The following ANGPT1 variants were observed in gnomAD, a reference collection of about 807,000 sequenced individuals.
ANGPT1 encodes angiopoietin 1.
A neutral mutation model predicts 62.2 loss-of-function variants in ANGPT1; 17 were observed. That is an observed-to-expected ratio of 0.27 (90% CI 0.19 to 0.41). The LOEUF (loss-of-function observed/expected upper bound fraction) is 0.41. Ranked by LOEUF, ANGPT1 falls within the 10% of genes least tolerant of loss-of-function variation. The pLI, the probability that ANGPT1 is intolerant of heterozygous loss-of-function variation, is 1.00. For synonymous variants in ANGPT1, 199 were observed against 198.9 expected, an observed-to-expected ratio of 1.00 and a Z score of 0.00; for missense variants, 478 against 594.9, an observed-to-expected ratio of 0.80 and a Z score of 2.04.
At chr8:107,473,010 A>G (rs374986753) in intron 1 of ANGPT1, among the ~76,000 whole-genome samples, 16 of 152,148 alleles carry the variant, frequency 1.1e-4, no homozygotes, top group African/African-American at 2.9e-4. Flanking sequence ...GAGCTCTTCA[A>G]TTCTCCAGGG....
In ANGPT1 at chr8:107,466,924, C is replaced by T. The variant is rs748701166; in HGVS notation, c.297+30338G>A. Among the ~76,000 whole-genome samples, 8 of 151,826 alleles carry T rather than the reference C, an allele frequency of 5.3e-5. 1 individual carries two copies. The highest frequency in any genetic ancestry group is 2.1e-4 in the South Asian group (1 of 4,826). ...CCATCTCAAAAAAAAAAATTATAAT[C>T]GAGAAATATACAAATTCAATCCCTT... is the stretch of plus-strand genomic sequence containing the variant. On this transcript the variant is annotated intron_variant, in intron 1 of 8. Coordinates refer to ENST00000517746, the MANE Select transcript of ANGPT1 (RefSeq NM_001146.5).
At chr8:107,470,540 C>T (rs1260243079) in intron 1 of ANGPT1, among the ~76,000 whole-genome samples, 1 of 152,026 alleles carries the variant, frequency 6.6e-6, no homozygotes, top group African/African-American at 2.4e-5. Flanking sequence ...AGCCCTTTGT[C>T]AGATGGATAG....
chr8:107,493,319 T>C (rs1813013205), intron 1 of ANGPT1, among the ~76,000 whole-genome samples: 1 of 150,418 alleles, frequency 6.6e-6, no homozygotes, highest in Admixed American at 6.7e-5. Flanking sequence ...CAATGTACTG[T>C]GATGACATTT....
Position 107,497,453 on chromosome 8 carries a change from T to C in ANGPT1, c.106A>G (p.Ile36Val). 1 of 1,614,174 alleles carries C rather than the reference T, an allele frequency of 6.2e-7. No individual in the cohort carries two copies. The highest frequency in any genetic ancestry group is 1.3e-5 in the African/African-American group (1 of 75,044). Residue 36 changes from isoleucine (I) to valine (V), a missense_variant, in exon 1 of 9, where the codon ATT (isoleucine) becomes GTT (valine). Coordinates refer to ENST00000517746, the MANE Select transcript of ANGPT1 (RefSeq NM_001146.5). Reference sequence around the variant, plus strand: ...GTGTAGGCACATTGCCCATGTTGAATCCGGTTATATCTTCTCCCACTGTTT... The same window carrying C: ...GTGTAGGCACATTGCCCATGTTGAACCCGGTTATATCTTCTCCCACTGTTT... The part of the protein sequence containing the change: ...PENSGRRYNR[I>V]QHGQCAYTFI...
At chr8:107,359,416 T>C (rs1023939994) in intron 1 of ANGPT1, among the ~76,000 whole-genome samples, 3 of 152,120 alleles carry the variant, frequency 2.0e-5, no homozygotes, top group Non-Finnish European at 4.4e-5. Flanking sequence ...ATTTGGCAAA[T>C]AGTTATTTCC....
chr8:107,256,194 A>T (rs1488590137), intron 8 of ANGPT1, among the ~76,000 whole-genome samples: 4 of 152,244 alleles, frequency 2.6e-5, no homozygotes, highest in African/African-American at 9.6e-5. Context: ...ATGAAATAAA[A>T]GAGCAATTAT....
At chr8:107,467,403 G>T (rs1182078502) in intron 1 of ANGPT1, among the ~76,000 whole-genome samples, 1 of 151,724 alleles carries the variant, frequency 6.6e-6, no homozygotes, top group Non-Finnish European at 1.5e-5. Context: ...CCACCAAAAC[G>T]TACAATTTAA....
At chr8:107,457,580 C>A (rs1333276174) in intron 1 of ANGPT1, among the ~76,000 whole-genome samples, 1 of 151,936 alleles carries the variant, frequency 6.6e-6, no homozygotes, top group Non-Finnish European at 1.5e-5. Context: ...CTTTGCCAAT[C>A]CCAACTTTTC....
Position 107,303,381 on chromosome 8 carries a change from A to T in ANGPT1, c.809-14T>A. 1 of 1,585,430 alleles carries T rather than the reference A, an allele frequency of 6.3e-7. No individual in the cohort carries two copies. The highest frequency in any genetic ancestry group is 2.2e-5 in the East Asian group (1 of 44,606). ...CCTTTAGTAAAACTGCAAAAAAAAA[A>T]AAAAAGATTGCAATATGTGAATATC... On this transcript the variant is annotated splice_polypyrimidine_tract_variant and intron_variant, in intron 4 of 8. Coordinates refer to ENST00000517746, the MANE Select transcript of ANGPT1 (RefSeq NM_001146.5).
At chr8:107,404,492 T>C (rs1479421304) in intron 1 of ANGPT1, among the ~76,000 whole-genome samples, 3 of 152,142 alleles carry the variant, frequency 2.0e-5, no homozygotes, top group African/African-American at 7.2e-5. Flanking sequence ...TTGTGCCATG[T>C]CCTTTTTTAA....
At chr8:107,421,458 T>A (rs181907936) in intron 1 of ANGPT1, among the ~76,000 whole-genome samples, 2 of 152,268 alleles carry the variant, frequency 1.3e-5, no homozygotes, top group East Asian at 3.9e-4. Context: ...GACAGTAAAG[T>A]CTCACTTTTT....
chr8:107,406,795 G>A (rs1817157341), intron 1 of ANGPT1, among the ~76,000 whole-genome samples: 1 of 151,142 alleles, frequency 6.6e-6, no homozygotes, highest in Non-Finnish European at 1.5e-5. Context: ...CATAATGATT[G>A]GAATAAAATT....
At chr8:107,283,095 A>G (rs575455038) in intron 7 of ANGPT1, among the ~76,000 whole-genome samples, 2 of 152,272 alleles carry the variant, frequency 1.3e-5, no homozygotes, top group South Asian at 4.1e-4. Context: ...GGAGCCTAGG[A>G]AAAGACTAGA....
intron 1 of ANGPT1, among the ~76,000 whole-genome samples, chr8:107,391,297 C>T (rs1401501974): frequency 6.6e-6 from 1 of 152,154 alleles, no homozygotes; most frequent in Non-Finnish European, 1.5e-5. Flanking sequence ...CCCAGGCCAC[C>T]TGGAATCCTG....
At chr8:107,442,082 T>A (rs933591472) in intron 1 of ANGPT1, among the ~76,000 whole-genome samples, 10 of 151,674 alleles carry the variant, frequency 6.6e-5, no homozygotes, top group Non-Finnish European at 1.3e-4. Context: ...ACACTCCGTC[T>A]CAAAAAAAAA....
chr8:107,334,113 G>A (rs886774667), intron 3 of ANGPT1, among the ~76,000 whole-genome samples: 10 of 151,960 alleles, frequency 6.6e-5, no homozygotes, highest in African/African-American at 2.4e-4. Flanking sequence ...CATAAGGATG[G>A]CATTTGTTTT....
chr8:107,349,245 T>C (rs1322448876), intron 1 of ANGPT1, among the ~76,000 whole-genome samples: 1 of 152,148 alleles, frequency 6.6e-6, no homozygotes, highest in Non-Finnish European at 1.5e-5. Context: ...TGGACCTAGC[T>C]ATATTTTTAG....
intron 1 of ANGPT1, among the ~76,000 whole-genome samples, chr8:107,445,347 G>A (rs1251242535): frequency 6.6e-6 from 1 of 152,108 alleles, no homozygotes; most frequent in Non-Finnish European, 1.5e-5. Flanking sequence ...ATACAAAAGT[G>A]AGAAGAAGAA....
chr8:107,257,887 G>GTT (rs774474320), intron 8 of ANGPT1, among the ~76,000 whole-genome samples: 11 of 110,968 alleles, frequency 9.9e-5, no homozygotes, highest in South Asian at 3.4e-4. Flanking sequence ...TTTCTTTTTT[G>GTT]TTTGTTTGTT....
Sources: allele counts gnomAD v4.1 joint callset (sites outside exome capture counted in the v4.1 genomes callset), GRCh38; gene constraint gnomAD v4.1.1; transcripts MANE v1.5; gene names NCBI Gene and HGNC (gene_info 2026-07-23, HGNC 2026-07-21).